Variants in CNTN5 observed in about 807,000 individuals in gnomAD.
CNTN5 encodes contactin 5.
In CNTN5, 77 loss-of-function variants were observed where a neutral mutation model predicts 129.1. The observed-to-expected ratio is 0.60, with a 90% confidence interval of 0.50 to 0.72. The LOEUF (loss-of-function observed/expected upper bound fraction) is 0.72, where lower values mean the gene tolerates loss of function less well. Ranked by LOEUF, CNTN5 falls within the 30% of genes least tolerant of loss-of-function variation. The pLI is 0.00. For synonymous variants in CNTN5, 509 were observed against 465.6 expected (o/e 1.09, Z -1.20); for missense variants, 1,478 against 1,328.8 (o/e 1.11, Z -1.75).
intron 3 of CNTN5, chr11:99,558,363 A>G (rs1194502288): frequency 6.3e-6 from 2 of 319,122 alleles, no homozygotes; most frequent in Non-Finnish European, 1.3e-5. Flanking sequence ...TTCAAAAGAA[A>G]GTTTTGTGTG....
At chr11:99,511,627 A>T (rs1284929714) in intron 2 of CNTN5, among the ~76,000 whole-genome samples, 3 of 151,906 alleles carry the variant, frequency 2.0e-5, no homozygotes, top group Non-Finnish European at 1.5e-5. Context: ...TGATCTGTCT[A>T]ATGTTGACAG....
intron 3 of CNTN5, among the ~76,000 whole-genome samples, chr11:99,796,201 C>T (rs1380453324): frequency 6.6e-6 from 1 of 152,116 alleles, no homozygotes; most frequent in African/African-American, 2.4e-5. Flanking sequence ...ACTTCAGTAG[C>T]AATGGCAGTG....
intron 2 of CNTN5, among the ~76,000 whole-genome samples, chr11:99,362,925 G>A (rs1591575698): frequency 6.6e-6 from 1 of 151,972 alleles, no homozygotes; most frequent in East Asian, 1.9e-4. Context: ...CTGTAGCCGT[G>A]CACTGTTTTA....
chr11:99,220,927 A>G (rs1283588710), intron 1 of CNTN5, among the ~76,000 whole-genome samples: 1 of 151,080 alleles, frequency 6.6e-6, no homozygotes, highest in East Asian at 1.9e-4. Flanking sequence ...TGTCCAATGC[A>G]GAAGCAGAAG....
At chr11:100,293,576 T>TA (rs1951041218) in intron 18 of CNTN5, among the ~76,000 whole-genome samples, 1 of 151,594 alleles carries the variant, frequency 6.6e-6, no homozygotes, top group Non-Finnish European at 1.5e-5. Flanking sequence ...TTATTGATTA[T>TA]AATTCCGGGT....
chr11:99,941,972 A>G (rs1203871089), intron 7 of CNTN5, among the ~76,000 whole-genome samples: 3 of 152,072 alleles, frequency 2.0e-5, no homozygotes, highest in Non-Finnish European at 4.4e-5. Flanking sequence ...AACTTAAAAT[A>G]ACCAAACACT....
At chr11:99,036,691 G>A (rs764854104) in intron 1 of CNTN5, among the ~76,000 whole-genome samples, 3 of 152,132 alleles carry the variant, frequency 2.0e-5, no homozygotes, top group African/African-American at 7.2e-5. Flanking sequence ...CACTATTAGT[G>A]TATTACAGTG....
At position 100,350,917 on chromosome 11, in the gene CNTN5, C is replaced by T. The variant is rs142251325; in HGVS notation, c.3199+47C>T. 4,257 of 1,432,894 alleles carry T rather than the reference C, an allele frequency of 3.0e-3. 9 individuals carry two copies. The highest frequency in any genetic ancestry group is 3.6e-3 in the Non-Finnish European group (3,819 of 1,061,586). 88.8% of individuals were successfully genotyped at this position (1,432,894 alleles called of 1,614,324 possible). ...TTAATTTGCTGACAACCAACAATTA[C>T]GAGATGGTATGAAAGTCACGAAAAT... On this transcript the variant is annotated intron_variant, in intron 24 of 24. Coordinates refer to ENST00000524871, the MANE Select transcript of CNTN5 (RefSeq NM_014361.4).
chr11:99,989,421 G>A (rs1246704700), intron 8 of CNTN5, among the ~76,000 whole-genome samples: 2 of 151,774 alleles, frequency 1.3e-5, no homozygotes, highest in African/African-American at 2.4e-5. Context: ...ATTCACACAC[G>A]TCTTGGTGGC....
At chr11:100,056,679 C>T (rs1423900729) in intron 9 of CNTN5, among the ~76,000 whole-genome samples, 1 of 151,536 alleles carries the variant, frequency 6.6e-6, no homozygotes, top group Non-Finnish European at 1.5e-5. Context: ...AATTAACACA[C>T]CTATCTCAGT....
chr11:99,302,331 T>C (rs1029422358), intron 1 of CNTN5, among the ~76,000 whole-genome samples: 1 of 151,560 alleles, frequency 6.6e-6, no homozygotes, highest in Non-Finnish European at 1.5e-5. Context: ...TTAGCTAAAA[T>C]GACCAAGATA....
chr11:100,004,504 T>G (rs1940072173), intron 9 of CNTN5, among the ~76,000 whole-genome samples: 2 of 152,350 alleles, frequency 1.3e-5, no homozygotes, highest in South Asian at 2.1e-4. Flanking sequence ...TTTACAGTCC[T>G]TAACACAATT....
intron 13 of CNTN5, among the ~76,000 whole-genome samples, chr11:100,111,952 A>G (rs914217456): frequency 2.0e-5 from 3 of 152,224 alleles, no homozygotes; most frequent in Non-Finnish European, 4.4e-5. Flanking sequence ...TTATTTGTTT[A>G]CACTACGTTG....
At chr11:100,016,005 T>G (rs1454045848) in intron 9 of CNTN5, among the ~76,000 whole-genome samples, 2 of 152,142 alleles carry the variant, frequency 1.3e-5, no homozygotes, top group Non-Finnish European at 2.9e-5. Flanking sequence ...TACATCATAT[T>G]TATTTGTTTT....
chr11:99,640,613 T>C (rs1951735142), intron 3 of CNTN5, among the ~76,000 whole-genome samples: 1 of 152,186 alleles, frequency 6.6e-6, no homozygotes, highest in South Asian at 2.1e-4. Context: ...ATATTTTTAG[T>C]GTACTTTTCT....
chr11:100,228,108 T>A (rs1184225689), intron 16 of CNTN5, among the ~76,000 whole-genome samples: 2 of 152,374 alleles, frequency 1.3e-5, no homozygotes, highest in East Asian at 3.9e-4. Context: ...ACTATCTTTC[T>A]ATTCAGAAGA....
chr11:99,786,782 T>G (rs944212264), intron 3 of CNTN5, among the ~76,000 whole-genome samples: 1 of 152,164 alleles, frequency 6.6e-6, no homozygotes, highest in Non-Finnish European at 1.5e-5. Flanking sequence ...TAAATGATGT[T>G]GGGAAAGTGG....
intron 13 of CNTN5, among the ~76,000 whole-genome samples, chr11:100,082,286 G>A (rs1024189792): frequency 2.0e-5 from 3 of 152,082 alleles, no homozygotes; most frequent in Admixed American, 1.3e-4. Flanking sequence ...AAGCATTGTA[G>A]GTTTGCTTTT....
At chr11:99,233,149 A>G (rs1004282112) in intron 1 of CNTN5, among the ~76,000 whole-genome samples, 1 of 152,204 alleles carries the variant, frequency 6.6e-6, no homozygotes, top group Non-Finnish European at 1.5e-5. Context: ...TTCAAACAGC[A>G]TAAACAAAAG....
Sources: allele counts gnomAD v4.1 joint callset (sites outside exome capture counted in the v4.1 genomes callset), GRCh38; gene constraint gnomAD v4.1.1; transcripts MANE v1.5; gene names NCBI Gene and HGNC (gene_info 2026-07-23, HGNC 2026-07-21).